OSBPL9: variants seen among roughly 807,000 people sequenced by gnomAD.
OSBPL9 encodes oxysterol binding protein like 9.
Under a neutral mutation model 106.6 loss-of-function variants are expected in OSBPL9, and 40 were observed. The ratio of observed to expected loss-of-function variants is 0.38; its 90% confidence interval spans 0.29 to 0.49. The LOEUF (loss-of-function observed/expected upper bound fraction) is 0.49, where lower values mean the gene tolerates loss of function less well. OSBPL9 is among the 20% of genes least tolerant of loss of function. The pLI, the probability that OSBPL9 is intolerant of heterozygous loss-of-function variation, is 0.97. For missense variants in OSBPL9, 609 were observed against 887.2 expected (o/e 0.69, Z 3.98); for synonymous variants, 269 against 295.4 (o/e 0.91, Z 0.92).
chr1:51,730,034 C>T (rs1389606576), intron 4 of OSBPL9: 2 of 1,301,940 alleles, frequency 1.5e-6, no homozygotes, highest in Non-Finnish European at 2.0e-6. Flanking sequence ...GGAGAGGGGC[C>T]GGCCCCTACC....
rs1367729297 is a variant in OSBPL9 at position 51,776,927 on chromosome 1, C to T, written c.1256+9C>T. On this transcript the variant is annotated intron_variant, in intron 15 of 23. Coordinates refer to ENST00000428468, the MANE Select transcript of OSBPL9 (RefSeq NM_024586.6). ...CCGGACCTGTTTGTGAGGTATTTGA[C>T]TGAACATGGTAGTTTCCAACGTTTA... The T allele has an allele frequency of 6.3e-7, 1 of 1,593,710 alleles. No homozygotes were observed. Among genetic ancestry groups the T allele is most frequent in the Non-Finnish European group, 8.6e-7 (1 of 1,161,668 alleles).
chr1:51,664,243 A>G (rs541911434), intron 2 of OSBPL9, among the ~76,000 whole-genome samples: 2 of 152,356 alleles, frequency 1.3e-5, no homozygotes, highest in East Asian at 1.9e-4. Context: ...AATGGAATTG[A>G]TAATTGTGGG....
At chr1:51,707,647 T>C (rs1658882949) in intron 3 of OSBPL9, 2 of 202,852 alleles carry the variant, frequency 9.9e-6, no homozygotes, top group South Asian at 2.0e-4. Flanking sequence ...GCCAGAGTTG[T>C]CATGGATGAC....
At chr1:51,777,095 G>A (rs191478184) in intron 15 of OSBPL9, among the ~76,000 whole-genome samples, 177 bp downstream of exon 15, 10 of 152,228 alleles carry the variant, frequency 6.6e-5, no homozygotes, top group Middle Eastern at 3.4e-3. Flanking sequence ...ATATGGTGGC[G>A]ATGTTAGGCA....
the OSBPL9 span, chr1:51,518,486 G>A: frequency 1.3e-5 from 2 of 152,944 alleles, no homozygotes; most frequent in Admixed American, 6.5e-5. Context: ...AAGCAGACGT[G>A]GGTGGCAAAA....
At chr1:51,744,373 A>C (rs1170310409) in intron 4 of OSBPL9, among the ~76,000 whole-genome samples, 1 of 152,222 alleles carries the variant, frequency 6.6e-6, no homozygotes, top group African/African-American at 2.4e-5. Flanking sequence ...TAGTGAATGC[A>C]CTAGAATTAG....
At chr1:51,720,515 G>A (rs959518032) in intron 4 of OSBPL9, among the ~76,000 whole-genome samples, 7 of 151,764 alleles carry the variant, frequency 4.6e-5, no homozygotes, top group South Asian at 2.1e-4. Context: ...TAGTAGAGGC[G>A]GGGTCTCACC....
chr1:51,606,688 T>C (rs1440256441), intron 2 of OSBPL9, among the ~76,000 whole-genome samples: 4 of 152,246 alleles, frequency 2.6e-5, no homozygotes, highest in Admixed American at 6.5e-5. Flanking sequence ...TTTTAAAATA[T>C]ATTTTTTATC....
At chr1:51,763,588 AC>A (rs1203734276) in intron 11 of OSBPL9, among the ~76,000 whole-genome samples, 1 of 152,080 alleles carries the variant, frequency 6.6e-6, no homozygotes, top group African/African-American at 2.4e-5. Flanking sequence ...ATGAATAATT[AC>A]CCTGTGATTT....
At chr1:51,700,657 G>C (rs960968161) in intron 3 of OSBPL9, among the ~76,000 whole-genome samples, 1 of 152,042 alleles carries the variant, frequency 6.6e-6, no homozygotes, top group Non-Finnish European at 1.5e-5. Flanking sequence ...TGTATTCAGA[G>C]GTATAGGATG....
intron 3 of OSBPL9, among the ~76,000 whole-genome samples, chr1:51,676,290 G>C (rs556299631): frequency 1.3e-5 from 2 of 151,974 alleles, no homozygotes; most frequent in East Asian, 3.9e-4. Context: ...AATTAGCCAG[G>C]GATGGTGGTG....
rs1243504405 is a variant in OSBPL9 at position 51,729,814 on chromosome 1, T to A, written c.319-15722T>A. The A allele has an allele frequency of 8.4e-7, 1 of 1,184,090 alleles. No individual in the cohort carries two copies. The highest frequency in any genetic ancestry group is 2.1e-5 in the African/African-American group (1 of 47,334). 73.3% of individuals were successfully genotyped at this position (1,184,090 alleles called of 1,614,324 possible). ...GAGGGGACGGGAAAGGGGTGGGGGG[T>A]GAAGGGGGTGAAGGGGGTGTCCCGG... On this transcript the variant is annotated intron_variant, in intron 4 of 23. Coordinates refer to ENST00000428468, the MANE Select transcript of OSBPL9 (RefSeq NM_024586.6). The surrounding 1 kb of genome is among the most constrained non-coding windows in gnomAD (Gnocchi z 5.1).
At chr1:51,719,389 G>A (rs1028106676) in intron 4 of OSBPL9, among the ~76,000 whole-genome samples, 4 of 152,056 alleles carry the variant, frequency 2.6e-5, no homozygotes, top group Non-Finnish European at 5.9e-5. Flanking sequence ...TAACCAGTAA[G>A]AGGCATTCAG....
chr1:51,713,855 A>G (rs1305428401), intron 3 of OSBPL9, 148 bp from the exon 4 acceptor site: 4 of 576,472 alleles, frequency 6.9e-6, no homozygotes, highest in Admixed American at 3.4e-5. Flanking sequence ...TGTAAAAAAT[A>G]TTAATAGATC....
chr1:51,746,622 G>T, intron 5 of OSBPL9, 88 bp from the exon 6 acceptor site: 2 of 949,602 alleles, frequency 2.1e-6, no homozygotes, highest in Non-Finnish European at 3.2e-6. Flanking sequence ...ATGTGTTTAA[G>T]AACAAATGTT....
intron 2 of OSBPL9, among the ~76,000 whole-genome samples, chr1:51,655,988 G>A (rs1646791569): frequency 6.6e-6 from 1 of 152,174 alleles, no homozygotes; most frequent in Admixed American, 6.5e-5. Flanking sequence ...ATATCTTGAG[G>A]GTTTGTTTAC....
chr1:51,547,355 T>C, the OSBPL9 span, among the ~76,000 whole-genome samples: 1 of 152,230 alleles, frequency 6.6e-6, no homozygotes, highest in South Asian at 2.1e-4. Flanking sequence ...GATGAAGGCA[T>C]TTTAAAACAG....
chr1:51,518,914 T>A, the OSBPL9 span, among the ~76,000 whole-genome samples: 1 of 151,216 alleles, frequency 6.6e-6, no homozygotes, highest in Non-Finnish European at 1.5e-5. Flanking sequence ...CGCGGCCGGG[T>A]CACAGTCCAC....
chr1:51,632,674 C>G (rs974794074), intron 1 of OSBPL9, among the ~76,000 whole-genome samples: 17 of 120,994 alleles, frequency 1.4e-4, no homozygotes, highest in South Asian at 4.7e-4. Flanking sequence ...GGAGAAGTGG[C>G]GGGGACCAGA....
Sources: allele counts gnomAD v4.1 joint callset (sites outside exome capture counted in the v4.1 genomes callset), GRCh38; gene constraint gnomAD v4.1.1; non-coding constraint Gnocchi (gnomAD v3.1); transcripts MANE v1.5; gene names NCBI Gene and HGNC (gene_info 2026-07-23, HGNC 2026-07-21).